GNB5: variants seen among roughly 807,000 people sequenced by gnomAD.
The protein encoded by GNB5 is G protein subunit beta 5, also known as guanine nucleotide-binding protein subunit beta-5.
In GNB5, 37 loss-of-function variants were observed where a neutral mutation model predicts 55.3. That is an observed-to-expected ratio of 0.67 (90% confidence interval 0.51 to 0.88). GNB5 has a LOEUF of 0.88. GNB5 is among the 40% of genes least tolerant of loss of function. The pLI, the probability that GNB5 is intolerant of heterozygous loss-of-function variation, is 0.00. For missense variants in GNB5, 476 were observed against 515.3 expected, an observed-to-expected ratio of 0.92 and a Z score of 0.74; for synonymous variants, 219 against 198.5, an observed-to-expected ratio of 1.10 and a Z score of -0.87.
chr15:52,183,333 T>TGGGGGG (rs5812587), intron 2 of GNB5, among the ~76,000 whole-genome samples: 1 of 145,400 alleles, frequency 6.9e-6, no homozygotes, highest in Non-Finnish European at 1.5e-5. Context: ...TAATAAATAA[T>TGGGGGG]GGGGGGGGGG....
chr15:52,156,582 T>C (rs2034211503), intron 3 of GNB5, among the ~76,000 whole-genome samples: 1 of 152,072 alleles, frequency 6.6e-6, no homozygotes, highest in Non-Finnish European at 1.5e-5. Context: ...ATACAAAAAC[T>C]TGGCTGGATG....
intron 9 of GNB5, among the ~76,000 whole-genome samples, chr15:52,129,266 T>C (rs2033514799): frequency 6.6e-6 from 1 of 152,156 alleles, no homozygotes; most frequent in African/African-American, 2.4e-5. Flanking sequence ...TGTTTCTCCT[T>C]TCTCGTACCA....
chr15:52,176,556 G>C (rs1476930365), intron 3 of GNB5, among the ~76,000 whole-genome samples: 2 of 152,138 alleles, frequency 1.3e-5, no homozygotes, highest in East Asian at 1.9e-4. Context: ...AGGTAAGAGC[G>C]GCTGCAGGGT....
At chr15:52,137,123 C>T in intron 7 of GNB5, 1 of 645,882 alleles carries the variant, frequency 1.5e-6, no homozygotes, top group Non-Finnish European at 2.3e-6. Flanking sequence ...TCCCTAATTC[C>T]TCCATTTTCA....
chr15:52,151,354 T>C (rs936946107), intron 4 of GNB5, among the ~76,000 whole-genome samples: 2 of 152,168 alleles, frequency 1.3e-5, no homozygotes, highest in Admixed American at 1.3e-4. Context: ...CTGGAGTCCC[T>C]GTGTGTGCCA....
intron 7 of GNB5, chr15:52,137,331 G>C (rs1285396046): frequency 9.3e-7 from 1 of 1,070,820 alleles, no homozygotes. Context: ...CCAGTGTGGT[G>C]ATATCTGAGT....
intron 9 of GNB5, among the ~76,000 whole-genome samples, chr15:52,131,596 T>C (rs567734772): frequency 1.3e-4 from 20 of 152,324 alleles, no homozygotes; most frequent in South Asian, 4.1e-4. Flanking sequence ...CTAACTTCAA[T>C]TACTATCTGT....
intron 6 of GNB5, among the ~76,000 whole-genome samples, chr15:52,144,677 T>G (rs995401783): frequency 3.3e-5 from 5 of 152,118 alleles, no homozygotes; most frequent in Non-Finnish European, 7.3e-5. Flanking sequence ...CCAGAGGAAC[T>G]TGAGACTAAA....
intron 3 of GNB5, among the ~76,000 whole-genome samples, chr15:52,172,584 A>C (rs2141233172): frequency 6.6e-6 from 1 of 152,102 alleles, no homozygotes; most frequent in East Asian, 1.9e-4. Context: ...GATCAAGACC[A>C]GCCTGGGCGA....
intron 3 of GNB5, among the ~76,000 whole-genome samples, chr15:52,167,320 C>T (rs1307442553): frequency 6.6e-6 from 1 of 152,186 alleles, no homozygotes; most frequent in African/African-American, 2.4e-5. Context: ...CTCCCTAACT[C>T]ATTTTATCAG....
intron 8 of GNB5, 127 bp downstream of exon 8, chr15:52,135,486 T>G (rs1024820207): frequency 3.6e-6 from 3 of 833,338 alleles, no homozygotes; most frequent in Admixed American, 2.4e-5. Flanking sequence ...TAGTGGGGAG[T>G]TGAGAACAAT....
At chr15:52,128,879 A>G in intron 9 of GNB5, 1 of 391,144 alleles carries the variant, frequency 2.6e-6, no homozygotes, top group Non-Finnish European at 5.2e-6. Context: ...CCAGAGGCAG[A>G]ATGAGAGCAA....
rs2033173841 is a variant in GNB5, at chr15:52,117,703, G to A, written c.*5054C>T. 1 of 152,302 alleles carries A rather than the reference G, an allele frequency of 6.6e-6. No homozygotes were observed. Among genetic ancestry groups the A allele is most frequent in the Non-Finnish European group, 1.5e-5 (1 of 68,106 alleles). 9.4% of individuals were successfully genotyped at this position (152,302 alleles called of 1,614,324 possible). ...AGTGACCCAATTCTCTCCGGTCACGGATGAGAGGGCAAGTGGTTTAGCATG... is the reference window on the plus strand; with the variant it reads ...AGTGACCCAATTCTCTCCGGTCACGAATGAGAGGGCAAGTGGTTTAGCATG... On this transcript the variant is annotated 3_prime_UTR_variant, in exon 13 of 13. Coordinates refer to ENST00000261837, the MANE Select transcript of GNB5 (RefSeq NM_016194.4).
intron 7 of GNB5, among the ~76,000 whole-genome samples, chr15:52,136,175 C>CCG: frequency 6.9e-6 from 1 of 145,458 alleles, no homozygotes; most frequent in African/African-American, 2.5e-5. Flanking sequence ...CACACACACC[C>CCG]TACCTGCTGT....
intron 6 of GNB5, chr15:52,143,903 G>A (rs865987501): frequency 6.6e-6 from 1 of 152,222 alleles, no homozygotes; most frequent in Non-Finnish European, 1.5e-5. Flanking sequence ...TTTCGTCTTT[G>A]ACGCTCTCTC....
chr15:52,189,340 G>A (rs2034888128), intron 1 of GNB5, among the ~76,000 whole-genome samples: 1 of 152,212 alleles, frequency 6.6e-6, no homozygotes, highest in African/African-American at 2.4e-5. Context: ...GCTCATGCCT[G>A]TAATCCCAGT....
In GNB5 at chr15:52,135,762, C is replaced by T. The variant is rs772990576; in HGVS notation, c.628-6G>A. On this transcript the variant is annotated splice_polypyrimidine_tract_variant and splice_region_variant and intron_variant, in intron 7 of 12. Transcript: ENST00000261837. ...TCGCCGCTCGCTGTCAGGATCTGCC[C>T]GCAGAAAAGGACAGGAAGTGGGTGG... is the stretch of plus-strand genomic sequence containing the variant. 6 of 1,611,674 alleles carry T rather than the reference C, an allele frequency of 3.7e-6. No homozygotes were observed. The highest frequency in any genetic ancestry group is 1.7e-5 in the Admixed American group (1 of 59,844).
intron 3 of GNB5, among the ~76,000 whole-genome samples, chr15:52,177,650 CA>C (rs112539098): frequency 0.074 from 6,813 of 91,986 alleles, 174 homozygotes; most frequent in African/African-American, 0.11. Context: ...GACTCCGTGT[CA>C]AAAAAAAAAA....
Position 52,122,739 on chromosome 15 carries a change from T to G in GNB5, c.*18A>C, listed in dbSNP as rs756081758. 4.6e-5 allele frequency: 73 copies of G among 1,579,678 alleles called. No homozygotes were observed. On this transcript the variant is annotated 3_prime_UTR_variant, in exon 13 of 13. Transcript: ENST00000261837. The stretch of plus-strand genomic sequence containing the variant: ...TTTCAAATTCTCAGGTATACATGAG[T>G]GCACTGTCAGAAGATGATTAGGCCC...
Sources: gnomAD v4.1 joint callset for allele counts (sites outside exome capture counted in the v4.1 genomes callset) on GRCh38, gnomAD v4.1.1 for gene constraint, MANE v1.5 for transcripts, NCBI Gene and HGNC (gene_info 2026-07-23, HGNC 2026-07-21) for gene names.